Variants in PRKAG2 observed in about 807,000 individuals in gnomAD.
PRKAG2 encodes the protein 5'-AMP-activated protein kinase subunit gamma-2.
In PRKAG2, 26 loss-of-function variants were observed where a neutral mutation model predicts 69.6. The ratio of observed to expected loss-of-function variants is 0.37; its 90% confidence interval spans 0.27 to 0.52. The LOEUF is 0.52. Ranked by LOEUF, PRKAG2 falls within the 20% of genes least tolerant of loss-of-function variation. The pLI is 0.90. For synonymous variants in PRKAG2, 293 were observed against 285.0 expected (o/e 1.03, Z -0.28); for missense variants, 557 against 740.0 (o/e 0.75, Z 2.87).
At chr7:151,787,649 C>T (rs1047624546) in intron 1 of PRKAG2, among the ~76,000 whole-genome samples, 16 of 152,120 alleles carry the variant, frequency 1.1e-4, no homozygotes, top group African/African-American at 3.6e-4. Context: ...TTGTGAATAA[C>T]GCTGCTATGA....
At chr7:151,598,106 CA>C (rs1193736847) in intron 5 of PRKAG2, among the ~76,000 whole-genome samples, 2 of 152,138 alleles carry the variant, frequency 1.3e-5, no homozygotes, top group Non-Finnish European at 2.9e-5. Context: ...TACCTATAAA[CA>C]ATGGAGTACT....
intron 5 of PRKAG2, among the ~76,000 whole-genome samples, chr7:151,629,513 T>C (rs1364295986): frequency 6.6e-6 from 1 of 152,136 alleles, no homozygotes; most frequent in Non-Finnish European, 1.5e-5. Context: ...CATGTCCCTC[T>C]TGTCGTGGTA....
chr7:151,614,453 C>T lies in PRKAG2; in HGVS notation c.754+17616G>A, dbSNP rs1194041319. On this transcript the variant is annotated intron_variant, in intron 5 of 15. Transcript: ENST00000287878. This position sits in a 1 kb window ranked among gnomAD's most constrained non-coding sequence, Gnocchi z 4.4. ...CAGGAGGCTGAAAAAATCAGGGCTG[C>T]GTGGACGCTCAGTCAGAGGAGAAAA... Among the ~76,000 whole-genome samples the T allele has an allele frequency of 6.6e-6, 1 of 152,094 alleles. No individual in the cohort carries two copies. Among genetic ancestry groups the T allele is most frequent in the Non-Finnish European group, 1.5e-5 (1 of 68,004 alleles).
In PRKAG2 at chr7:151,638,052, T is replaced by A. The variant is rs1351283594; in HGVS notation, c.685-5914A>T. Among the ~76,000 whole-genome samples, 1 of 152,180 alleles carries A rather than the reference T, an allele frequency of 6.6e-6. No individual in the cohort carries two copies. Among genetic ancestry groups the A allele is most frequent in the Non-Finnish European group, 1.5e-5 (1 of 68,038 alleles). ...GTCCATCAGCATCAGGGATGTTTGA[T>A]GTAGCAAAAACAGACCAAATCCACC... On this transcript the variant is annotated intron_variant, in intron 4 of 15. Transcript: ENST00000287878. The surrounding 1 kb of genome is among the most constrained non-coding windows in gnomAD (Gnocchi z 4.3).
intron 13 of PRKAG2, 139 bp downstream of exon 13, chr7:151,565,207 T>A: frequency 2.9e-6 from 2 of 690,452 alleles, no homozygotes; most frequent in Non-Finnish European, 4.4e-6. Context: ...AGAAGGTCTA[T>A]AAAATTCTGA....
chr7:151,688,071 C>T (rs1835047658), intron 3 of PRKAG2, among the ~76,000 whole-genome samples: 1 of 139,328 alleles, frequency 7.2e-6, no homozygotes, highest in Non-Finnish European at 1.5e-5. Flanking sequence ...GCTGAGTCAG[C>T]ATGGTGACTA....
chr7:151,770,802 G>T (rs1421269761), intron 3 of PRKAG2, among the ~76,000 whole-genome samples: 1 of 152,186 alleles, frequency 6.6e-6, no homozygotes, highest in Non-Finnish European at 1.5e-5. Flanking sequence ...GCTGTAGGGG[G>T]GTGAGATAGA....
intron 4 of PRKAG2, among the ~76,000 whole-genome samples, chr7:151,635,003 G>A (rs552388059): frequency 3.0e-4 from 45 of 149,498 alleles, no homozygotes; most frequent in African/African-American, 9.4e-4. Context: ...AGGCTGGAGC[G>A]CAGTGGACCT....
intron 3 of PRKAG2, among the ~76,000 whole-genome samples, chr7:151,758,099 G>A (rs1318399153): frequency 6.6e-6 from 1 of 152,040 alleles, no homozygotes; most frequent in African/African-American, 2.4e-5. Context: ...AGCCTTCGGT[G>A]TAATCAAAGT....
intron 4 of PRKAG2, among the ~76,000 whole-genome samples, chr7:151,645,623 A>G (rs989806105): frequency 1.3e-5 from 2 of 152,198 alleles, no homozygotes; most frequent in African/African-American, 4.8e-5. Context: ...TGTCAGACAC[A>G]TGTACTGTGA....
intron 9 of PRKAG2, among the ~76,000 whole-genome samples, chr7:151,570,477 T>G (rs999454808): frequency 1.3e-5 from 2 of 152,154 alleles, no homozygotes; most frequent in Admixed American, 1.3e-4. Flanking sequence ...CAGTAAGTGT[T>G]TATAAAATCA....
chr7:151,837,933 G>C (rs929018499), intron 1 of PRKAG2, among the ~76,000 whole-genome samples: 21 of 152,104 alleles, frequency 1.4e-4, no homozygotes, highest in Admixed American at 2.0e-4. Context: ...GGCAGCGCTG[G>C]CTGGAAAGGA....
At chr7:151,796,261 C>A (rs1447864121) in intron 1 of PRKAG2, among the ~76,000 whole-genome samples, 1 of 152,070 alleles carries the variant, frequency 6.6e-6, no homozygotes, top group Non-Finnish European at 1.5e-5. Context: ...GGCTCTCCGC[C>A]CACACTGTGG....
chr7:151,696,517 C>T (rs1415654229), intron 3 of PRKAG2, among the ~76,000 whole-genome samples: 4 of 152,354 alleles, frequency 2.6e-5, no homozygotes, highest in South Asian at 2.1e-4. Context: ...TCAGCCCTGA[C>T]GCCATCATCT....
At chr7:151,714,932 A>G (rs1463540604) in intron 3 of PRKAG2, among the ~76,000 whole-genome samples, 2 of 151,738 alleles carry the variant, frequency 1.3e-5, no homozygotes, top group Non-Finnish European at 2.9e-5. Flanking sequence ...CCTGGGCAAC[A>G]GAGCGAGACT....
intron 1 of PRKAG2, among the ~76,000 whole-genome samples, chr7:151,815,360 C>G (rs1311062391): frequency 6.6e-6 from 1 of 152,128 alleles, no homozygotes; most frequent in Non-Finnish European, 1.5e-5. Flanking sequence ...TAGTAAGCAA[C>G]TCATCTGTGA....
chr7:151,721,720 T>A (rs1028648257), intron 3 of PRKAG2, among the ~76,000 whole-genome samples: 9 of 152,184 alleles, frequency 5.9e-5, no homozygotes, highest in African/African-American at 2.2e-4. Context: ...ACAGATGTTT[T>A]GGCCTCGGAT....
chr7:151,686,662 C>T (rs890081043), intron 3 of PRKAG2, among the ~76,000 whole-genome samples: 2 of 152,224 alleles, frequency 1.3e-5, no homozygotes, highest in African/African-American at 2.4e-5. Flanking sequence ...CCCCACCCCA[C>T]TCCAGCCCTG....
At chr7:151,854,559 G>A (rs2079657786) in intron 1 of PRKAG2, among the ~76,000 whole-genome samples, 1 of 152,238 alleles carries the variant, frequency 6.6e-6, no homozygotes, top group African/African-American at 2.4e-5. Context: ...CAGGCAGCGG[G>A]AATCCAGCCG....
Sources: allele counts gnomAD v4.1 joint callset (sites outside exome capture counted in the v4.1 genomes callset), GRCh38; gene constraint gnomAD v4.1.1; non-coding constraint Gnocchi (gnomAD v3.1); transcripts MANE v1.5; gene names NCBI Gene and HGNC (gene_info 2026-07-23, HGNC 2026-07-21).